Variants in KIF14 observed in about 807,000 individuals in gnomAD.
KIF14 encodes the protein kinesin-like protein KIF14.
Under a neutral mutation model 176.2 loss-of-function variants are expected in KIF14, and 98 were observed. That is an observed-to-expected ratio of 0.56 (90% CI 0.47 to 0.66). The LOEUF is 0.66. Ranked by LOEUF, KIF14 falls within the 30% of genes least tolerant of loss-of-function variation. The pLI, the probability that KIF14 is intolerant of heterozygous loss-of-function variation, is 0.00. For synonymous variants in KIF14, 566 were observed against 632.2 expected (o/e 0.90, Z 1.57); for missense variants, 1,751 against 1,920.4 (o/e 0.91, Z 1.65).
rs1472981706 is a variant in KIF14, at chr1:200,590,109, T to A, written c.2961+16A>T. The stretch of plus-strand genomic sequence containing the variant: ...CACTGTCGGAAAAAAAAAATAAAAC[T>A]AATTCTGCCTTTTACCAGTTCTGCT... On this transcript the variant is annotated intron_variant, in intron 17 of 29. Coordinates refer to ENST00000367350, the MANE Select transcript of KIF14 (RefSeq NM_014875.3). 1 of 1,590,794 alleles carries A rather than the reference T, an allele frequency of 6.3e-7. No homozygotes were observed. The highest frequency in any genetic ancestry group is 8.5e-7 in the Non-Finnish European group (1 of 1,174,268).
rs1656684574 is a variant in KIF14 at position 200,553,742 on chromosome 1, G to A, written c.4593C>T (p.Leu1531=). Residue 1531 remains leucine (L), a synonymous_variant, in exon 30 of 30, where the codon CTC becomes CTT. Transcript: ENST00000367350. ...TGCGAATACTTTCAACACAAGTCTG[G>A]AGAAGATTTATATCACTATGGCATC... ...LKGCHSDINL[L]QTCVESIRNL... 1.9e-6 allele frequency: 3 copies of A among 1,605,870 alleles called. No homozygotes were observed. Among genetic ancestry groups the A allele is most frequent in the Non-Finnish European group, 1.7e-6 (2 of 1,174,182 alleles).
At chr1:200,577,561 C>T (rs1327606908) in intron 21 of KIF14, among the ~76,000 whole-genome samples, 1 of 151,902 alleles carries the variant, frequency 6.6e-6, no homozygotes, top group African/African-American at 2.4e-5. Flanking sequence ...CTTTGGGAGG[C>T]CGAGGCGAGT....
At chr1:200,569,051 G>A (rs181342385) in intron 23 of KIF14, among the ~76,000 whole-genome samples, 127 of 151,056 alleles carry the variant, frequency 8.4e-4, no homozygotes, top group Non-Finnish European at 2.4e-4. Flanking sequence ...TCAGCCTCTC[G>A]AGTAGCTGGG....
At chr1:200,594,563 G>A (rs1430269000) in intron 14 of KIF14, among the ~76,000 whole-genome samples, 1 of 152,028 alleles carries the variant, frequency 6.6e-6, no homozygotes, top group Non-Finnish European at 1.5e-5. Context: ...GAAAAACATG[G>A]AGATCAAAGT....
intron 23 of KIF14, among the ~76,000 whole-genome samples, chr1:200,567,848 G>GA (rs540152522): frequency 2.4e-4 from 31 of 130,742 alleles, no homozygotes; most frequent in Admixed American, 3.1e-4. Flanking sequence ...TTTGTAAAGA[G>GA]AAAAAAAAAA....
At chr1:200,616,242 A>G (rs1349469658) in intron 2 of KIF14, among the ~76,000 whole-genome samples, 1 of 152,028 alleles carries the variant, frequency 6.6e-6, no homozygotes, top group South Asian at 2.1e-4. Context: ...TCCATCCCTG[A>G]CTCTGAGACT....
intron 14 of KIF14, among the ~76,000 whole-genome samples, chr1:200,596,691 A>G (rs1571536233): frequency 6.6e-6 from 1 of 150,742 alleles, no homozygotes; most frequent in South Asian, 2.1e-4. Context: ...CAGCCTCCCA[A>G]GTAGCTGAGA....
chr1:200,593,919 T>G (rs1571529624), intron 14 of KIF14, 150 bp from the exon 15 acceptor site: 4 of 321,134 alleles, frequency 1.2e-5, no homozygotes, highest in East Asian at 1.3e-4. Flanking sequence ...TTTATTTTCC[T>G]CCAACTAGTT....
At chr1:200,577,571 T>G (rs995310183) in intron 21 of KIF14, among the ~76,000 whole-genome samples, 1 of 151,808 alleles carries the variant, frequency 6.6e-6, no homozygotes, top group African/African-American at 2.4e-5. Context: ...CCGAGGCGAG[T>G]GGATCACAAG....
At chr1:200,559,237 C>T (rs1656994582) in intron 27 of KIF14, 93 bp downstream of exon 27, 2 of 752,554 alleles carry the variant, frequency 2.7e-6, no homozygotes, top group Admixed American at 7.5e-5. Context: ...CAAATTAAAA[C>T]ATATGAATTT....
At chr1:200,574,792 T>A (rs990408391) in intron 22 of KIF14, among the ~76,000 whole-genome samples, 1 of 152,170 alleles carries the variant, frequency 6.6e-6, no homozygotes, top group Non-Finnish European at 1.5e-5. Flanking sequence ...ATGTTTTGAG[T>A]TAACAAGCAA....
intron 14 of KIF14, 149 bp downstream of exon 14, chr1:200,598,088 C>G (rs183936063): frequency 3.1e-6 from 2 of 648,096 alleles, no homozygotes; most frequent in African/African-American, 1.8e-5. Flanking sequence ...TTATAACACA[C>G]TCAGAATGTA....
intron 4 of KIF14, among the ~76,000 whole-genome samples, chr1:200,612,744 A>G (rs955231774): frequency 6.6e-6 from 1 of 152,148 alleles, no homozygotes; most frequent in African/African-American, 2.4e-5. Context: ...ATCGATATCT[A>G]ATCTGGTTGT....
chr1:200,603,390 G>T, intron 9 of KIF14, 49 bp from the exon 10 acceptor site: 2 of 841,422 alleles, frequency 2.4e-6, no homozygotes, highest in Non-Finnish European at 4.0e-6. Flanking sequence ...TTCTCAGCAA[G>T]AAATTTATTT....
intron 22 of KIF14, among the ~76,000 whole-genome samples, chr1:200,570,796 T>C (rs1657741165): frequency 6.6e-6 from 1 of 152,204 alleles, no homozygotes; most frequent in Admixed American, 6.5e-5. Flanking sequence ...TGCAGGTTTG[T>C]TACATGGGTA....
At chr1:200,614,670 T>G (rs1458614496) in intron 3 of KIF14, among the ~76,000 whole-genome samples, 1 of 151,498 alleles carries the variant, frequency 6.6e-6, no homozygotes, top group Admixed American at 6.6e-5. Context: ...ATAAGCAAAG[T>G]CTTTAGCACA....
chr1:200,579,401 G>A (rs1367925317), intron 21 of KIF14, among the ~76,000 whole-genome samples: 1 of 152,156 alleles, frequency 6.6e-6, no homozygotes, highest in Non-Finnish European at 1.5e-5. Context: ...GAGGTCAGGA[G>A]TTCGAGACCA....
intron 2 of KIF14, among the ~76,000 whole-genome samples, chr1:200,617,092 C>T (rs1660439286): frequency 6.6e-6 from 1 of 152,110 alleles, no homozygotes; most frequent in African/African-American, 2.4e-5. Context: ...CTCAGCCTCC[C>T]GAGTAGCTGG....
At chr1:200,582,702 T>C (rs1018921145) in intron 19 of KIF14, among the ~76,000 whole-genome samples, 7 of 151,812 alleles carry the variant, frequency 4.6e-5, no homozygotes, top group Non-Finnish European at 1.0e-4. Flanking sequence ...ATACAAAAAT[T>C]AGTCAGGCGT....
Sources: allele counts gnomAD v4.1 joint callset (sites outside exome capture counted in the v4.1 genomes callset), GRCh38; gene constraint gnomAD v4.1.1; transcripts MANE v1.5; gene names NCBI Gene and HGNC (gene_info 2026-07-23, HGNC 2026-07-21).